The following ARID4B variants were observed in gnomAD, a reference collection of about 807,000 sequenced individuals.
ARID4B encodes the protein AT-rich interactive domain-containing protein 4B.
Under a neutral mutation model 147.5 loss-of-function variants are expected in ARID4B, and 26 were observed. The observed-to-expected ratio is 0.18, with a 90% confidence interval of 0.13 to 0.24. The LOEUF (loss-of-function observed/expected upper bound fraction) is 0.24. Among genes scored for constraint, ARID4B ranks in the 10% least tolerant of loss-of-function variants. ARID4B has a pLI of 1.00. For missense variants in ARID4B, 1,179 were observed against 1,511.5 expected (o/e 0.78, Z 3.65); for synonymous variants, 512 against 507.9 (o/e 1.01, Z -0.11).
intron 16 of ARID4B, among the ~76,000 whole-genome samples, chr1:235,215,545 A>ATGTG (rs1324619607): frequency 1.2e-4 from 13 of 109,018 alleles, no homozygotes; most frequent in East Asian, 9.4e-4. Context: ...GCACACATAT[A>ATGTG]TATGTGTGTG....
intron 7 of ARID4B, 65 bp from the exon 8 acceptor site, chr1:235,240,516 A>C (rs1188740984): frequency 6.9e-7 from 1 of 1,449,264 alleles, no homozygotes; most frequent in Admixed American, 1.8e-5. Flanking sequence ...GCCAATGATG[A>C]ATATAGGTAT....
intron 9 of ARID4B, among the ~76,000 whole-genome samples, chr1:235,231,729 C>T (rs976136446): frequency 1.2e-4 from 18 of 152,174 alleles, no homozygotes; most frequent in Admixed American, 5.2e-4. Flanking sequence ...CTCAACTGAT[C>T]CACCCACCTC....
At chr1:235,223,288 G>T in intron 12 of ARID4B, 28 bp from the exon 13 acceptor site, 1 of 1,210,810 alleles carries the variant, frequency 8.3e-7, no homozygotes, top group Non-Finnish European at 1.1e-6. Flanking sequence ...AACTATATTA[G>T]ATCCACACTA....
chr1:235,197,895 T>C (rs1010105464), intron 17 of ARID4B, among the ~76,000 whole-genome samples: 6 of 152,200 alleles, frequency 3.9e-5, no homozygotes, highest in African/African-American at 1.4e-4. Flanking sequence ...TACTTTTACC[T>C]TTCCTATTAA....
intron 2 of ARID4B, among the ~76,000 whole-genome samples, chr1:235,317,556 G>A (rs1674526533): frequency 6.6e-6 from 1 of 152,162 alleles, no homozygotes. Flanking sequence ...GTTTGTCTAT[G>A]CTGACCTTAG....
chr1:235,175,340 C>T lies in ARID4B; in HGVS notation c.3508G>A (p.Val1170Ile). The T allele has an allele frequency of 6.2e-7, 1 of 1,614,136 alleles. No individual in the cohort carries two copies. The highest frequency in any genetic ancestry group is 8.5e-7 in the Non-Finnish European group (1 of 1,180,010). Residue 1170 changes from valine to isoleucine, a missense_variant, in exon 22 of 24, where the codon GTC (valine) becomes ATC (isoleucine). Val to Ile is a conservative substitution (Grantham distance 29, BLOSUM62 3). Coordinates refer to ENST00000264183, the MANE Select transcript of ARID4B (RefSeq NM_016374.6). ...AGESITKSQP[V>I]KSVSTGMKSH... is the part of the protein sequence containing the mutation. ...TTCATTCCAGTGGAAACTGATTTGACTGGCTGACTCTTAGTTATACTTTCA... is the reference window on the plus strand; with the variant it reads ...TTCATTCCAGTGGAAACTGATTTGATTGGCTGACTCTTAGTTATACTTTCA...
chr1:235,224,804 T>C (rs1667720049), intron 11 of ARID4B, 29 bp from the exon 12 acceptor site: 1 of 1,443,138 alleles, frequency 6.9e-7, no homozygotes, highest in African/African-American at 1.4e-5. Context: ...GAATATTATT[T>C]TCTTCAATTA....
At chr1:235,263,392 C>T (rs1206062239) in intron 2 of ARID4B, among the ~76,000 whole-genome samples, 1 of 152,050 alleles carries the variant, frequency 6.6e-6, no homozygotes, top group Non-Finnish European at 1.5e-5. Context: ...AACCCATTTG[C>T]GTATTCTTTT....
At chr1:235,172,571 C>G (rs770896122) in intron 23 of ARID4B, 47 bp downstream of exon 23, 26 of 1,337,684 alleles carry the variant, frequency 1.9e-5, no homozygotes, top group Non-Finnish European at 2.5e-5. Context: ...GAGTGAAACT[C>G]TGTCTCAAAA....
At chr1:235,260,415 A>G (rs1243652820) in intron 3 of ARID4B, among the ~76,000 whole-genome samples, 1 of 152,226 alleles carries the variant, frequency 6.6e-6, no homozygotes, top group Non-Finnish European at 1.5e-5. Context: ...TATACAAACA[A>G]TAAGACGTCT....
intron 2 of ARID4B, among the ~76,000 whole-genome samples, chr1:235,323,224 G>C (rs1471286897): frequency 1.3e-5 from 2 of 151,838 alleles, no homozygotes; most frequent in South Asian, 4.2e-4. Context: ...ACTTTTAGTA[G>C]AGACGGGGTT....
In ARID4B at chr1:235,275,054, G is replaced by A. The variant is rs79966211; in HGVS notation, c.7-14302C>T. 9.5e-3 allele frequency among the ~76,000 whole-genome samples: 1,437 copies of A among 151,988 alleles called. 27 individuals carry two copies. The highest frequency in any genetic ancestry group is 0.033 in the African/African-American group (1,380 of 41,374). The stretch of plus-strand genomic sequence containing the variant: ...GCGCAGACCGCTCTGCCTATTCAAT[G>A]ACTATGCACATATGAGGGACCCAAC... On this transcript the variant is annotated intron_variant, in intron 2 of 23. Coordinates refer to ENST00000264183, the MANE Select transcript of ARID4B (RefSeq NM_016374.6).
chr1:235,259,774 T>C (rs1296491747), intron 3 of ARID4B, among the ~76,000 whole-genome samples: 2 of 152,138 alleles, frequency 1.3e-5, no homozygotes, highest in African/African-American at 2.4e-5. Context: ...ATAAGGAATA[T>C]AGGAACAGTA....
chr1:235,222,099 A>G lies in ARID4B; in HGVS notation c.1066-437T>C, dbSNP rs140304604. On this transcript the variant is annotated intron_variant, in intron 13 of 23. Coordinates refer to ENST00000264183, the MANE Select transcript of ARID4B (RefSeq NM_016374.6). Reference sequence around the variant, plus strand: ...TAATTAAAAAATTTTTTTTGTGGAGATGGAGTCTCACCATGTTGCCCAGGC... The same window carrying G: ...TAATTAAAAAATTTTTTTTGTGGAGGTGGAGTCTCACCATGTTGCCCAGGC... Among the ~76,000 whole-genome samples, 825 of 151,838 alleles carry G rather than the reference A, an allele frequency of 5.4e-3. 10 individuals carry two copies. The highest frequency in any genetic ancestry group is 0.019 in the African/African-American group (776 of 41,408).
chr1:235,220,651 G>C, intron 14 of ARID4B, 106 bp from the exon 15 acceptor site: 2 of 907,528 alleles, frequency 2.2e-6, no homozygotes, highest in Non-Finnish European at 3.1e-6. Context: ...CTCAGATATT[G>C]AGCCATATTA....
chr1:235,321,917 T>C (rs1474112280), intron 2 of ARID4B, among the ~76,000 whole-genome samples: 1 of 152,120 alleles, frequency 6.6e-6, no homozygotes, highest in Non-Finnish European at 1.5e-5. Flanking sequence ...ATCCTTACAT[T>C]CAGCTCTCCC....
intron 8 of ARID4B, among the ~76,000 whole-genome samples, chr1:235,238,983 CTTCTTTTTTTTTT>C (rs1668806269): frequency 7.5e-6 from 1 of 133,040 alleles, no homozygotes; most frequent in Non-Finnish European, 1.6e-5. Context: ...CTTTTTTTTT[CTTCTTTTTTTTTT>C]TTTTGAGAGG....
chr1:235,295,005 ATAT>A (rs930142788), intron 2 of ARID4B, among the ~76,000 whole-genome samples: 108 of 151,256 alleles, frequency 7.1e-4, no homozygotes, highest in African/African-American at 2.3e-3. Flanking sequence ...TTTATTTAAA[ATAT>A]TATTTTTTAT....
rs1318498003 is a variant in ARID4B at position 235,167,109 on chromosome 1, T to C, written c.*1416A>G. 1.0e-5 allele frequency: 2 copies of C among 191,292 alleles called. No homozygotes were observed. Among genetic ancestry groups the C allele is most frequent in the Non-Finnish European group, 2.2e-5 (2 of 91,092 alleles). 11.8% of individuals were successfully genotyped at this position (191,292 alleles called of 1,614,324 possible). A position where few individuals can be genotyped will look rare whatever the true frequency, so the allele number is the denominator to read the frequency against. ...CCATTTTCAACAAAATTAGTTACTG[T>C]AAGCACACACTACAAGACTGAAAAT... On this transcript the variant is annotated 3_prime_UTR_variant, in exon 24 of 24. Coordinates refer to ENST00000264183, the MANE Select transcript of ARID4B (RefSeq NM_016374.6).
Sources: gnomAD v4.1 joint callset for allele counts (sites outside exome capture counted in the v4.1 genomes callset) on GRCh38, gnomAD v4.1.1 for gene constraint, MANE v1.5 for transcripts, NCBI Gene and HGNC (gene_info 2026-07-23, HGNC 2026-07-21) for gene names.